C11orf65: variants seen among roughly 807,000 people sequenced by gnomAD.
C11orf65 encodes protein MFI.
A neutral mutation model predicts 35.3 loss-of-function variants in C11orf65; 38 were observed. The observed-to-expected ratio is 1.08, with a 90% CI of 0.83 to 1.41. The LOEUF is 1.41. Among genes scored for constraint, C11orf65 ranks in the 40% most tolerant of loss-of-function variants. The probability of loss-of-function intolerance (pLI) is 0.00; values close to 1 mark genes in which losing one functional copy is unlikely to be tolerated. For synonymous variants in C11orf65, 105 were observed against 114.4 expected (o/e 0.92, Z 0.53); for missense variants, 370 against 367.1 (o/e 1.01, Z -0.06).
At chr11:108,311,912 T>A (rs971041724) in intron 6 of C11orf65, among the ~76,000 whole-genome samples, 23 of 152,348 alleles carry the variant, frequency 1.5e-4, no homozygotes, top group African/African-American at 4.6e-4. Context: ...AAATCTGAGT[T>A]CTAATCCTGA....
chr11:108,324,800 T>A (rs2085488322), intron 6 of C11orf65, among the ~76,000 whole-genome samples: 1 of 152,236 alleles, frequency 6.6e-6, no homozygotes, highest in Admixed American at 6.5e-5. Context: ...TCTGTTCCTT[T>A]AATAATGTTG....
intron 2 of C11orf65, among the ~76,000 whole-genome samples, chr11:108,342,763 A>G (rs1187360291): frequency 6.6e-6 from 1 of 152,240 alleles, no homozygotes; most frequent in African/African-American, 2.4e-5. Context: ...TGTGAAGATA[A>G]TAAGACTAAA....
chr11:108,449,891 A>C (rs1422845646), intron 2 of C11orf65, among the ~76,000 whole-genome samples: 1 of 151,968 alleles, frequency 6.6e-6, no homozygotes, highest in African/African-American at 2.4e-5. Context: ...TACTCATCTG[A>C]CAAAGGGCTA....
At chr11:108,407,012 G>A (rs765974708) in intron 4 of C11orf65, 49 bp from the exon 5 acceptor site, 3 of 1,569,480 alleles carry the variant, frequency 1.9e-6, no homozygotes, top group South Asian at 2.3e-5. Flanking sequence ...CTACAAAAAT[G>A]TTTTACATTT....
chr11:108,373,807 G>A (rs1043275431), intron 2 of C11orf65, among the ~76,000 whole-genome samples: 1 of 152,208 alleles, frequency 6.6e-6, no homozygotes, highest in African/African-American at 2.4e-5. Flanking sequence ...CTGGAAAATC[G>A]GGCCACTCCC....
At chr11:108,408,029 T>TATTTTA (rs200889926) in intron 3 of C11orf65, among the ~76,000 whole-genome samples, 2 of 144,604 alleles carry the variant, frequency 1.4e-5, no homozygotes, top group African/African-American at 5.1e-5. Context: ...TTATTATTAT[T>TATTTTA]TTATTATTAC....
intron 1 of C11orf65, among the ~76,000 whole-genome samples, chr11:108,465,982 T>TAA (rs1162955302): frequency 1.6e-5 from 2 of 126,066 alleles, no homozygotes; most frequent in Non-Finnish European, 3.4e-5. Flanking sequence ...AAACTCGGTC[T>TAA]AAAAAAAAAA....
intron 3 of C11orf65, among the ~76,000 whole-genome samples, chr11:108,423,009 T>C (rs2092842634): frequency 6.6e-6 from 1 of 152,118 alleles, no homozygotes; most frequent in Non-Finnish European, 1.5e-5. Context: ...TTTATAACCT[T>C]GGAGTTGGAA....
chr11:108,343,352 A>G (rs879254273), intron 2 of C11orf65: 1 of 1,613,990 alleles, frequency 6.2e-7, no homozygotes, highest in Non-Finnish European at 8.5e-7. Context: ...AGTGCCTTTC[A>G]GTGCCAAAAG....
intron 7 of C11orf65, among the ~76,000 whole-genome samples, chr11:108,390,644 C>G (rs773087123): frequency 8.5e-5 from 13 of 152,154 alleles, no homozygotes; most frequent in Non-Finnish European, 1.5e-4. Flanking sequence ...ACCTCTCTTT[C>G]CCTTTCTTCC....
In C11orf65 at chr11:108,382,804, C is replaced by T. The variant is rs2091893109; in HGVS notation, c.*217G>A. 1 of 984,308 alleles carries T rather than the reference C, an allele frequency of 1.0e-6. No homozygotes were observed. Among genetic ancestry groups the T allele is most frequent in the Non-Finnish European group, 1.2e-6 (1 of 828,938 alleles). The allele number at this position is 984,308 out of a possible 1,614,324, so 61.0% of individuals were successfully genotyped here. ...CTTAAGTGTGACTGTTAGAATACTA[C>T]AGTTTCTCAGAATACTAGGAATAAT... On this transcript the variant is annotated 3_prime_UTR_variant, in exon 9 of 9. Coordinates refer to ENST00000393084, the MANE Select transcript of C11orf65 (RefSeq NM_152587.5).
At chr11:108,372,408 G>C (rs2091597144) in intron 2 of C11orf65, among the ~76,000 whole-genome samples, 1 of 152,148 alleles carries the variant, frequency 6.6e-6, no homozygotes, top group Admixed American at 6.5e-5. Flanking sequence ...TGGCCAGGCT[G>C]GTCTCAAACT....
At chr11:108,319,637 A>G (rs1396102595) in intron 6 of C11orf65, among the ~76,000 whole-genome samples, 1 of 152,214 alleles carries the variant, frequency 6.6e-6, no homozygotes, top group Non-Finnish European at 1.5e-5. Context: ...ATGAGAGTAA[A>G]GACCTGATCT....
rs375783941 is a variant in C11orf65, at chr11:108,315,856, G to A, written c.641-6785C>T. 2.5e-6 allele frequency: 4 copies of A among 1,613,152 alleles called. No individual in the cohort carries two copies. The South Asian group carries it at 4.4e-5, about 18-fold the overall frequency. On this transcript the variant is annotated intron_variant, in intron 6 of 6. Transcript: ENST00000525729. ...CTTAGAAATCTACAGAAGTATAGGG[G>A]AGCCAGATAGTTTGTATGGCTGTGG...
At chr11:108,431,323 G>T (rs2092986779) in intron 3 of C11orf65, among the ~76,000 whole-genome samples, 1 of 152,006 alleles carries the variant, frequency 6.6e-6, no homozygotes, top group South Asian at 2.1e-4. Context: ...GAGAATAATG[G>T]CTATTAATTA....
At chr11:108,398,453 G>T (rs771933092) in intron 6 of C11orf65, among the ~76,000 whole-genome samples, 1 of 152,156 alleles carries the variant, frequency 6.6e-6, no homozygotes, top group African/African-American at 2.4e-5. Flanking sequence ...TTTGTGATGC[G>T]GAAGATTAGA....
intron 6 of C11orf65, among the ~76,000 whole-genome samples, chr11:108,314,422 T>C (rs1281990752): frequency 6.6e-6 from 1 of 151,256 alleles, no homozygotes; most frequent in Non-Finnish European, 1.5e-5. Context: ...CAGTTTTAGG[T>C]GTTGACAAGA....
chr11:108,401,546 T>C (rs748519891), intron 6 of C11orf65, among the ~76,000 whole-genome samples: 2 of 152,200 alleles, frequency 1.3e-5, no homozygotes, highest in Admixed American at 6.5e-5. Context: ...CATGTTTTCC[T>C]TGAAAAGTAA....
At chr11:108,415,264 G>T (rs1027433447) in intron 3 of C11orf65, among the ~76,000 whole-genome samples, 2 of 152,020 alleles carry the variant, frequency 1.3e-5, no homozygotes, top group Non-Finnish European at 2.9e-5. Context: ...AAATCCCAAT[G>T]AATCACAAGG....
Sources: gnomAD v4.1 joint callset for allele counts (sites outside exome capture counted in the v4.1 genomes callset) on GRCh38, gnomAD v4.1.1 for gene constraint, MANE v1.5 for transcripts, NCBI Gene and HGNC (gene_info 2026-07-23, HGNC 2026-07-21) for gene names.